Variants in PRB2 observed in about 807,000 individuals in gnomAD.
PRB2 encodes basic salivary proline-rich protein 2.
A neutral mutation model predicts 8.3 loss-of-function variants in PRB2; 12 were observed. That is an observed-to-expected ratio of 1.45 (90% CI 0.93 to 2.35). The LOEUF (loss-of-function observed/expected upper bound fraction) is 2.35. PRB2 is among the 30% of genes most tolerant of loss of function. PRB2 has a pLI of 0.00. For missense variants in PRB2, 470 were observed against 507.0 expected (o/e 0.93, Z 0.70); for synonymous variants, 146 against 180.0 (o/e 0.81, Z 1.51).
chr12:11,393,850 T>C lies in PRB2; in HGVS notation c.228A>G (p.Gly76=). The C allele has an allele frequency of 7.3e-7, 1 of 1,378,160 alleles. No individual in the cohort carries two copies. Among genetic ancestry groups the C allele is most frequent in the Non-Finnish European group, 9.6e-7 (1 of 1,039,628 alleles). 85.4% of individuals were successfully genotyped at this position (1,378,160 alleles called of 1,614,324 possible). The change falls in exon 3 of 4, where the codon GGA becomes GGG. Residue 76 remains glycine, a synonymous_variant. Coordinates refer to ENST00000389362, the MANE Select transcript of PRB2 (RefSeq NM_006248.4). ...NQPQGPPPPP[G]KPQGPPPQGG... ...CTTGTGGGGGTGGTCCTTGTGGCTT[T>C]CCTGGAGGAGGTGGGGGACCTTGAG...
rs1200263041 is a variant in PRB2 at position 11,395,561 on chromosome 12, C to G, written c.-32G>C. 1.9e-6 allele frequency: 3 copies of G among 1,600,748 alleles called. No homozygotes were observed. In the African/African-American group the frequency reaches 4.1e-5, roughly 22 times the overall value. Reference sequence around the variant, plus strand: ...GGAGGCTCTGGAGTCACTCCCAACTCTGTGCTGGGAGGAACGTGGCAACTC... The same window carrying G: ...GGAGGCTCTGGAGTCACTCCCAACTGTGTGCTGGGAGGAACGTGGCAACTC... On this transcript the variant is annotated 5_prime_UTR_variant, in exon 1 of 4. Coordinates refer to ENST00000389362, the MANE Select transcript of PRB2 (RefSeq NM_006248.4).
chr12:11,393,551 G>A lies in PRB2; in HGVS notation c.527C>T (p.Pro176Leu), dbSNP rs375822520. ...GDNKSRSSRS[P>L]PGKPQGPPPQ... is the part of the protein sequence containing the mutation. ...GGGTGGTCCTTGTGGCTTTCCTGGA[G>A]GAGATCGAGAACTTCGGGACTTGTT... Residue 176 changes from proline (P) to leucine (L), a missense_variant, in exon 3 of 4, where the codon CCT (proline) becomes CTT (leucine). Pro to Leu is a moderately conservative substitution (Grantham distance 98, BLOSUM62 -3). This residue lies in a region of PRB2 where 211 missense variants were observed against 207.7 expected (regional missense o/e 1.02). Transcript: ENST00000389362. 1.1e-5 allele frequency: 18 copies of A among 1,592,420 alleles called. No homozygotes were observed. In the African/African-American group the frequency reaches 2.4e-4, roughly 22 times the overall value.
At position 11,395,376 on chromosome 12, in the gene PRB2, GT is replaced by G; in HGVS notation, c.64+89del. ...ATGAAAACTCTGCAGCCCCATCTGT[GT>G]TTTCATTCTCCTCTCTTCCCCGTAA... On this transcript the variant is annotated intron_variant, in intron 1 of 3. Coordinates refer to ENST00000389362, the MANE Select transcript of PRB2 (RefSeq NM_006248.4). 7.1e-6 allele frequency: 11 copies of G among 1,547,530 alleles called. 1 individual carries two copies. Among genetic ancestry groups the G allele is most frequent in the Non-Finnish European group, 9.8e-6 (11 of 1,120,276 alleles).
Position 11,394,549 on chromosome 12 carries a change from A to C in PRB2, c.65-19T>G. On this transcript the variant is annotated intron_variant, in intron 1 of 3. Transcript: ENST00000389362. ...CTGACATCTAGAAGAGAAGCACAGG[A>C]TGATGGGAACAGTTACATCTTGAAC... 2 of 1,612,882 alleles carry C rather than the reference A, an allele frequency of 1.2e-6. No homozygotes were observed. Among genetic ancestry groups the C allele is most frequent in the East Asian group, 4.5e-5 (2 of 44,874 alleles).
In PRB2 at chr12:11,394,685, A is replaced by C. The variant is rs556865840; in HGVS notation, c.65-155T>G. Among the ~76,000 whole-genome samples the C allele has an allele frequency of 1.2e-3, 187 of 152,200 alleles. 1 individual carries two copies. Among genetic ancestry groups the C allele is most frequent in the African/African-American group, 3.5e-3 (145 of 41,518 alleles). ...TCTGTGAAGCTGCTGGAAGGGGAGG[A>C]AGGTGTAAGGGGAGGCAGGGTTGTT... On this transcript the variant is annotated intron_variant, in intron 1 of 3. Coordinates refer to ENST00000389362, the MANE Select transcript of PRB2 (RefSeq NM_006248.4).
At position 11,394,056 on chromosome 12, in the gene PRB2, C is replaced by G. The variant is rs12313451; in HGVS notation, c.101-79G>C. The G allele has an allele frequency of 0.023, 36,564 of 1,580,346 alleles. 3,320 individuals are homozygous for G. The African/African-American group carries it at 0.28, about 12-fold the overall frequency. ...CTGAATAGTTGCAGTAAATTTTTAT[C>G]AGTTTGGGTAACAAGCTGAGTGGGG... On this transcript the variant is annotated intron_variant, in intron 2 of 3. Coordinates refer to ENST00000389362, the MANE Select transcript of PRB2 (RefSeq NM_006248.4).
In PRB2 at chr12:11,394,514, T is replaced by A. The variant is rs1207850145; in HGVS notation, c.81A>T (p.Glu27Asp). The A allele has an allele frequency of 6.2e-7, 1 of 1,613,512 alleles. No individual in the cohort carries two copies. The highest frequency in any genetic ancestry group is 1.7e-5 in the Admixed American group (1 of 60,020). Residue 27 changes from glutamate to aspartate, a missense_variant, in exon 2 of 4, where the codon GAA becomes GAT. By Grantham distance (45) the Glu-to-Asp change is conservative. Transcript: ENST00000389362. Reference sequence around the variant, plus strand: ...ATTTACCTGCTATTAGGGAGGGAGATTCTTCCTGGCTGACATCTAGAAGAG... The same window carrying A: ...ATTTACCTGCTATTAGGGAGGGAGAATCTTCCTGGCTGACATCTAGAAGAG... ...QNLNEDVSQE[E>D]SPSLIAGNPQ...
At position 11,393,541 on chromosome 12, in the gene PRB2, C is replaced by T. The variant is rs777153809; in HGVS notation, c.537G>A (p.Lys179=). 2 of 1,582,696 alleles carry T rather than the reference C, an allele frequency of 1.3e-6. No homozygotes were observed. The highest frequency in any genetic ancestry group is 1.7e-6 in the Non-Finnish European group (2 of 1,167,356). ...CTCCTTGTGGGGGTGGTCCTTGTGG[C>T]TTTCCTGGAGGAGATCGAGAACTTC... ...KSRSSRSPPG[K]PQGPPPQGGN... is the part of the protein sequence containing the mutation. The change falls in exon 3 of 4, where the codon AAG becomes AAA. Residue 179 remains lysine, a synonymous_variant. Coordinates refer to ENST00000389362, the MANE Select transcript of PRB2 (RefSeq NM_006248.4).
In PRB2 at chr12:11,392,988, C is replaced by T. The variant is rs1864338248; in HGVS notation, c.1090G>A (p.Gly364Arg). 1 of 1,612,756 alleles carries T rather than the reference C, an allele frequency of 6.2e-7. No individual in the cohort carries two copies. Among genetic ancestry groups the T allele is most frequent in the East Asian group, 2.2e-5 (1 of 44,748 alleles). Residue 364 changes from glycine to arginine, a missense_variant, in exon 3 of 4, where the codon GGA (glycine) becomes AGA (arginine). Gly to Arg is a moderately radical substitution (Grantham distance 125). Coordinates refer to ENST00000389362, the MANE Select transcript of PRB2 (RefSeq NM_006248.4). ...TGTTGGGGTGGTCCTTGTGGCTTTC[C>T]TGGAGGAGATCGGGCACTTCGGGAC... ...SKSRSARSPP[G>R]KPQGPPQQEG...
At chr12:11,394,641 G>T in intron 1 of PRB2, 111 bp from the exon 2 acceptor site, 2 of 1,361,300 alleles carry the variant, frequency 1.5e-6, no homozygotes, top group Non-Finnish European at 2.1e-6. Context: ...CATCCCCTAA[G>T]TTAACTCATC....
chr12:11,395,109 C>G (rs1295685099), intron 1 of PRB2, among the ~76,000 whole-genome samples: 4 of 152,220 alleles, frequency 2.6e-5, no homozygotes, highest in Admixed American at 1.3e-4. Flanking sequence ...ATGCACTGTA[C>G]AGCAAGGCCA....
rs1225279688 is a variant in PRB2 at position 11,393,369 on chromosome 12, A to C, written c.709T>G (p.Ser237Ala). ...GGTCCTTGTGGCTTTCCTGGAGGAG[A>C]TCGGGCACTTTGGGACTTGTTGTCT... ...QGDNKSQSAR[S>A]PPGKPQGPPP... Residue 237 changes from serine (S) to alanine (A), a missense_variant, in exon 3 of 4, where the codon TCT becomes GCT. Around this residue, in one of 4 missense-constraint regions of PRB2, gnomAD observed 205 missense variants for 195.0 expected, o/e 1.05. Transcript: ENST00000389362. 1.9e-6 allele frequency: 3 copies of C among 1,570,926 alleles called. No individual in the cohort carries two copies. Among genetic ancestry groups the C allele is most frequent in the Non-Finnish European group, 2.6e-6 (3 of 1,168,306 alleles).
rs764709916 is a variant in PRB2, at chr12:11,393,803, G to A, written c.275C>T (p.Pro92Leu). ...PPQGGNKPQG[P>L]PPPGKPQGPP... ...TCCTTGTGGCTTTCCTGGAGGTGGG[G>A]GACCTTGAGGTTTGTTGCCTCCTTG... Residue 92 changes from proline to leucine, a missense_variant, in exon 3 of 4, where the codon CCC becomes CTC. This residue lies in a region of PRB2 where 211 missense variants were observed against 207.7 expected (regional missense o/e 1.02). Transcript: ENST00000389362. 1.8e-5 allele frequency: 29 copies of A among 1,579,232 alleles called. No individual in the cohort carries two copies. The highest frequency in any genetic ancestry group is 1.8e-4 in the Admixed American group (10 of 57,086).
chr12:11,393,719 C>T lies in PRB2; in HGVS notation c.359G>A (p.Gly120Glu). The change falls in exon 3 of 4, where the codon GGA becomes GAA. Residue 120 changes from glycine (G) to glutamate (E), a missense_variant. Gly to Glu is a moderately conservative substitution (Grantham distance 98). Coordinates refer to ENST00000389362, the MANE Select transcript of PRB2 (RefSeq NM_006248.4). ...CTGGTTGCCTCCTTGTGGGGGTGGT[C>T]CTTGTGGCTTTCCTGGAGGAGATCG... Reference protein sequence around the residue: ...SPRSPPGKPQGPPPQGGNQPQ... With the variant: ...SPRSPPGKPQEPPPQGGNQPQ... The T allele has an allele frequency of 1.3e-6, 2 of 1,593,970 alleles. No individual in the cohort carries two copies. The highest frequency in any genetic ancestry group is 1.7e-6 in the Non-Finnish European group (2 of 1,170,846).
chr12:11,395,417 T>C, intron 1 of PRB2, 49 bp downstream of exon 1: 1 of 1,610,348 alleles, frequency 6.2e-7, no homozygotes, highest in Non-Finnish European at 8.5e-7. Flanking sequence ...CATTATCACC[T>C]CCTAAGCCCC....
At position 11,393,713 on chromosome 12, in the gene PRB2, G is replaced by T; in HGVS notation, c.365C>A (p.Pro122His). Reference protein sequence around the residue: ...RSPPGKPQGPPPQGGNQPQGP... With the variant: ...RSPPGKPQGPHPQGGNQPQGP... ...TTGAGGCTGGTTGCCTCCTTGTGGG[G>T]GTGGTCCTTGTGGCTTTCCTGGAGG... is the stretch of plus-strand genomic sequence containing the variant. Residue 122 changes from proline to histidine, a missense_variant, in exon 3 of 4, where the codon CCC becomes CAC. Around this residue, in one of 4 missense-constraint regions of PRB2, gnomAD observed 211 missense variants for 207.7 expected, o/e 1.02. Coordinates refer to ENST00000389362, the MANE Select transcript of PRB2 (RefSeq NM_006248.4). The T allele has an allele frequency of 6.2e-7, 1 of 1,600,346 alleles. No homozygotes were observed. The highest frequency in any genetic ancestry group is 8.5e-7 in the Non-Finnish European group (1 of 1,173,184).
intron 1 of PRB2, 63 bp from the exon 2 acceptor site, chr12:11,394,593 G>T (rs1864380872): frequency 3.2e-6 from 5 of 1,582,208 alleles, no homozygotes; most frequent in Non-Finnish European, 4.3e-6. Context: ...ACTCACAAGT[G>T]TTCTACAGGG....
At chr12:11,394,753 T>G (rs1864384691) in intron 1 of PRB2, among the ~76,000 whole-genome samples, 1 of 152,114 alleles carries the variant, frequency 6.6e-6, no homozygotes, top group African/African-American at 2.4e-5. Context: ...AAGAGCCCCT[T>G]TTTTCCCTCC....
chr12:11,395,301 A>G (rs748694711), intron 1 of PRB2, among the ~76,000 whole-genome samples, 165 bp downstream of exon 1: 79 of 152,188 alleles, frequency 5.2e-4, no homozygotes, highest in Non-Finnish European at 9.0e-4. Flanking sequence ...TAAATAAATT[A>G]GAAACTCTTA....
Sources: allele counts gnomAD v4.1 joint callset (sites outside exome capture counted in the v4.1 genomes callset), GRCh38; gene constraint gnomAD v4.1.1; regional missense constraint gnomAD v4.1.1; transcripts MANE v1.5; gene names NCBI Gene and HGNC (gene_info 2026-07-23, HGNC 2026-07-21).